TRDMT1: variants seen among roughly 807,000 people sequenced by gnomAD.
TRDMT1 encodes the protein tRNA aspartic acid methyltransferase 1.
TRDMT1 carries 49 observed loss-of-function variants against 51.2 expected under a neutral mutation model. That is an observed-to-expected ratio of 0.96 (90% CI 0.76 to 1.21). The LOEUF (loss-of-function observed/expected upper bound fraction) is 1.21, where lower values mean the gene tolerates loss of function less well. Among genes scored for constraint, TRDMT1 ranks in the 50% most tolerant of loss-of-function variants. TRDMT1 has a pLI of 0.00. For missense variants in TRDMT1, 534 were observed against 462.3 expected, an observed-to-expected ratio of 1.16 and a Z score of -1.42; for synonymous variants, 187 against 164.6, an observed-to-expected ratio of 1.14 and a Z score of -1.04.
chr10:17,181,126 C>T (rs1843233378), intron 1 of TRDMT1, among the ~76,000 whole-genome samples: 1 of 152,214 alleles, frequency 6.6e-6, no homozygotes, highest in African/African-American at 2.4e-5. Flanking sequence ...CACCCCTCTA[C>T]AGCTAGATGC....
chr10:17,153,727 A>G lies in TRDMT1; in HGVS notation c.946-91T>C, dbSNP rs560045129. The stretch of plus-strand genomic sequence containing the variant: ...GAGATAGTTGAAACTCGATGGACAT[A>G]CAGTCTGCTGTAACACACAGTGGCA... On this transcript the variant is annotated intron_variant, in intron 9 of 10. Coordinates refer to ENST00000377799, the MANE Select transcript of TRDMT1 (RefSeq NM_004412.7). 5 of 1,354,908 alleles carry G rather than the reference A, an allele frequency of 3.7e-6. No homozygotes were observed. In the East Asian group the frequency reaches 9.7e-5, roughly 26 times the overall value. The allele number at this position is 1,354,908 out of a possible 1,614,324, so 83.9% of individuals were successfully genotyped here.
chr10:17,143,815 T>C lies in TRDMT1; in HGVS notation c.*5225A>G. On this transcript the variant is annotated 3_prime_UTR_variant, in exon 11 of 11. Coordinates refer to ENST00000377799, the MANE Select transcript of TRDMT1 (RefSeq NM_004412.7). ...GAAGATGATCTTTGGTTATGAAGCT[T>C]GAACTTGGAAGATGTGGAGACTAAC... 3.0e-6 allele frequency: 3 copies of C among 985,428 alleles called. No homozygotes were observed. Among genetic ancestry groups the C allele is most frequent in the Non-Finnish European group, 3.6e-6 (3 of 829,942 alleles). The allele number at this position is 985,428 out of a possible 1,614,324, so 61.0% of individuals were successfully genotyped here.
intron 1 of TRDMT1, among the ~76,000 whole-genome samples, chr10:17,194,948 TC>T (rs1845194660): frequency 2.3e-5 from 1 of 43,778 alleles, no homozygotes; most frequent in African/African-American, 1.1e-4. Context: ...AAAAAAAAAG[TC>T]AAAAAAAAAA....
chr10:17,171,399 C>T (rs73604301), intron 2 of TRDMT1, among the ~76,000 whole-genome samples: 10,333 of 152,186 alleles, frequency 0.068, 1,135 homozygotes, highest in African/African-American at 0.23. Context: ...GCCAAGGATT[C>T]CCTCAACAGT....
At chr10:17,166,205 T>C (rs1224824527) in intron 3 of TRDMT1, among the ~76,000 whole-genome samples, 1 of 151,978 alleles carries the variant, frequency 6.6e-6, no homozygotes, top group East Asian at 1.9e-4. Context: ...AAAGGATGAG[T>C]TCATGTCCTT....
intron 2 of TRDMT1, among the ~76,000 whole-genome samples, chr10:17,173,515 A>T (rs1350001817): frequency 6.6e-6 from 1 of 152,182 alleles, no homozygotes; most frequent in Non-Finnish European, 1.5e-5. Context: ...AAAAGAAAGC[A>T]GATCCATTGT....
At position 17,146,310 on chromosome 10, in the gene TRDMT1, T is replaced by C. The variant is rs1191567422; in HGVS notation, c.*2730A>G. On this transcript the variant is annotated 3_prime_UTR_variant, in exon 11 of 11. Coordinates refer to ENST00000377799, the MANE Select transcript of TRDMT1 (RefSeq NM_004412.7). ...AGGTATTTTCTCATCTTTCCAGACA[T>C]AGGGCAGTGCCCATGGTGAAGGTCT... 2.0e-6 allele frequency: 2 copies of C among 985,414 alleles called. No homozygotes were observed. Among genetic ancestry groups the C allele is most frequent in the East Asian group, 1.1e-4 (1 of 8,814 alleles). 61.0% of individuals were successfully genotyped at this position (985,414 alleles called of 1,614,324 possible).
At chr10:17,200,117 A>T (rs1564358105) in intron 1 of TRDMT1, among the ~76,000 whole-genome samples, 1 of 152,264 alleles carries the variant, frequency 6.6e-6, no homozygotes, top group Non-Finnish European at 1.5e-5. Context: ...TTACTGTTGA[A>T]TTAATTCCAA....
rs536542008 is a variant in TRDMT1, at chr10:17,145,077, C to T, written c.*3963G>A. 3.7e-5 allele frequency: 25 copies of T among 684,548 alleles called. No individual in the cohort carries two copies. The highest frequency in any genetic ancestry group is 2.0e-4 in the South Asian group (3 of 15,240). The allele number at this position is 684,548 out of a possible 1,614,324, so 42.4% of individuals were successfully genotyped here. On this transcript the variant is annotated 3_prime_UTR_variant, in exon 11 of 11. Coordinates refer to ENST00000377799, the MANE Select transcript of TRDMT1 (RefSeq NM_004412.7). ...CCAGCCTGGCCAACATGGTGAAACC[C>T]GATCTCTACTAATACAAAAATTAGC...
In TRDMT1 at chr10:17,153,330, C is replaced by T. The variant is rs73604268; in HGVS notation, c.1075+177G>A. ...AGGGGGAGAATGAGTCAGTAGAGAACCGAATGAGGCAGTTATGAGGGGAAA... is the reference window on the plus strand; with the variant it reads ...AGGGGGAGAATGAGTCAGTAGAGAATCGAATGAGGCAGTTATGAGGGGAAA... On this transcript the variant is annotated intron_variant, in intron 10 of 10. Transcript: ENST00000377799. 5,117 of 686,978 alleles carry T rather than the reference C, an allele frequency of 7.4e-3. 190 individuals are homozygous for T. In the African/African-American group the frequency reaches 0.083, roughly 11 times the overall value. The allele number at this position is 686,978 out of a possible 1,614,324, so 42.6% of individuals were successfully genotyped here. A position where few individuals can be genotyped will look rare whatever the true frequency, so the allele number is the denominator to read the frequency against.
chr10:17,171,995 G>A (rs201092642), intron 2 of TRDMT1: 13 of 166,960 alleles, frequency 7.8e-5, no homozygotes, highest in Non-Finnish European at 1.3e-4. Context: ...CTCTGTCTTC[G>A]GTAGCTATCA....
At chr10:17,165,340 C>T (rs948920380) in intron 3 of TRDMT1, among the ~76,000 whole-genome samples, 1 of 152,156 alleles carries the variant, frequency 6.6e-6, no homozygotes, top group Non-Finnish European at 1.5e-5. Flanking sequence ...AAACTGGATC[C>T]CTTCCTTACA....
Position 17,142,711 on chromosome 10 carries a change from G to T in TRDMT1, c.*6329C>A, listed in dbSNP as rs1162119693. On this transcript the variant is annotated 3_prime_UTR_variant, in exon 11 of 11. Transcript: ENST00000377799. ...CTGTAGGAACGAGCCTCTCTGGGCT[G>T]TCTTCTATTGTGTGGTTGTAGGTCG... is the stretch of plus-strand genomic sequence containing the variant. 1 of 152,860 alleles carries T rather than the reference G, an allele frequency of 6.5e-6. No individual in the cohort carries two copies. Among genetic ancestry groups the T allele is most frequent in the Non-Finnish European group, 1.5e-5 (1 of 68,688 alleles). The allele number at this position is 152,860 out of a possible 1,614,324, so 9.5% of individuals were successfully genotyped here.
rs565622748 is a variant in TRDMT1, at chr10:17,182,595, G to C, written c.65-7935C>G. Among the ~76,000 whole-genome samples the C allele has an allele frequency of 2.6e-5, 4 of 152,234 alleles. No individual in the cohort carries two copies. In the South Asian group the frequency reaches 6.2e-4, roughly 24 times the overall value. ...CTTCTTGATAAAACTGTTCTAAATT[G>C]AAGAAAGAAGGTCAAGAGTCTTCAA... On this transcript the variant is annotated intron_variant, in intron 1 of 10. Transcript: ENST00000377799.
rs1837478354 is a variant in TRDMT1 at position 17,138,212 on chromosome 10, A to G, written c.*10828T>C. The stretch of plus-strand genomic sequence containing the variant: ...TTTTTTAGTCCCTTTTCATTTTCAT[A>G]TCAGTTTAAAACAGAACACTGTAGA... On this transcript the variant is annotated 3_prime_UTR_variant, in exon 11 of 11. Coordinates refer to ENST00000377799, the MANE Select transcript of TRDMT1 (RefSeq NM_004412.7). 6.6e-6 allele frequency among the ~76,000 whole-genome samples: 1 copy of G among 152,176 alleles called. No homozygotes were observed. Among genetic ancestry groups the G allele is most frequent in the Non-Finnish European group, 1.5e-5 (1 of 68,040 alleles).
chr10:17,156,491 T>G (rs1839531473), intron 8 of TRDMT1, among the ~76,000 whole-genome samples: 1 of 152,094 alleles, frequency 6.6e-6, no homozygotes, highest in Non-Finnish European at 1.5e-5. Flanking sequence ...TGCCTCAGCC[T>G]CCCAAAGTGT....
intron 1 of TRDMT1, among the ~76,000 whole-genome samples, chr10:17,179,340 A>G (rs1247865751): frequency 3.3e-5 from 5 of 152,158 alleles, no homozygotes; most frequent in Admixed American, 3.3e-4. Flanking sequence ...GGGGCTACAG[A>G]AAGGCCACAT....
Position 17,142,881 on chromosome 10 carries a change from ATTATT to A in TRDMT1, c.*6154_*6158del, listed in dbSNP as rs1211751333. On this transcript the variant is annotated 3_prime_UTR_variant, in exon 11 of 11. Coordinates refer to ENST00000377799, the MANE Select transcript of TRDMT1 (RefSeq NM_004412.7). Reference sequence around the variant, plus strand: ...GAATTCTCCTTCTGATTCCTCTTGCATTATTTTATAATTATACTTACCCAGAGTTT... The same window carrying A: ...GAATTCTCCTTCTGATTCCTCTTGCATTATAATTATACTTACCCAGAGTTT... 1 of 692,578 alleles carries A rather than the reference ATTATT, an allele frequency of 1.4e-6. No homozygotes were observed. The highest frequency in any genetic ancestry group is 1.8e-6 in the Non-Finnish European group (1 of 562,534). 42.9% of individuals were successfully genotyped at this position (692,578 alleles called of 1,614,324 possible).
Position 17,148,455 on chromosome 10 carries a change from C to T in TRDMT1, c.*585G>A. Reference sequence around the variant, plus strand: ...TAATGTGCACCAACAGTTTCTGTGGCCGCTTCATGGAGAGGTAATCAAACA... The same window carrying T: ...TAATGTGCACCAACAGTTTCTGTGGTCGCTTCATGGAGAGGTAATCAAACA... On this transcript the variant is annotated 3_prime_UTR_variant, in exon 11 of 11. Transcript: ENST00000377799. 1.0e-6 allele frequency: 1 copy of T among 985,428 alleles called. No individual in the cohort carries two copies. The highest frequency in any genetic ancestry group is 1.7e-5 in the African/African-American group (1 of 57,358). The allele number at this position is 985,428 out of a possible 1,614,324, so 61.0% of individuals were successfully genotyped here. A position where few individuals can be genotyped will look rare whatever the true frequency, so the allele number is the denominator to read the frequency against.
Sources: gnomAD v4.1 joint callset for allele counts (sites outside exome capture counted in the v4.1 genomes callset) on GRCh38, gnomAD v4.1.1 for gene constraint, MANE v1.5 for transcripts, NCBI Gene and HGNC (gene_info 2026-07-23, HGNC 2026-07-21) for gene names.